CNTNAP2: variants seen among roughly 807,000 people sequenced by gnomAD.
CNTNAP2 encodes contactin associated protein 2.
Under a neutral mutation model 155.2 loss-of-function variants are expected in CNTNAP2, and 98 were observed. That is an observed-to-expected ratio of 0.63 (90% CI 0.54 to 0.75). The LOEUF is 0.75. Ranked by LOEUF, CNTNAP2 falls within the 30% of genes least tolerant of loss-of-function variation. The probability of loss-of-function intolerance (pLI) is 0.00; values close to 1 mark genes in which losing one functional copy is unlikely to be tolerated. For synonymous variants in CNTNAP2, 651 were observed against 631.2 expected, an observed-to-expected ratio of 1.03 and a Z score of -0.47; for missense variants, 1,727 against 1,688.1, an observed-to-expected ratio of 1.02 and a Z score of -0.40.
intron 12 of CNTNAP2, among the ~76,000 whole-genome samples, chr7:147,578,173 G>A (rs1160438940): frequency 2.0e-5 from 3 of 152,052 alleles, no homozygotes; most frequent in Non-Finnish European, 4.4e-5. Context: ...GTTATTATAA[G>A]CATGTTTGAT....
At chr7:147,219,942 A>ATTTTTTTTTTT (rs34947567) in intron 8 of CNTNAP2, among the ~76,000 whole-genome samples, 4 of 123,016 alleles carry the variant, frequency 3.3e-5, no homozygotes, top group Non-Finnish European at 3.4e-5. Context: ...CGCCCAGCTA[A>ATTTTTTTTTTT]TTTTTTTTTT....
chr7:147,080,066 T>C (rs951692761), intron 4 of CNTNAP2, among the ~76,000 whole-genome samples: 8 of 151,474 alleles, frequency 5.3e-5, no homozygotes, highest in African/African-American at 1.9e-4. Flanking sequence ...ACCCTCTAGC[T>C]TGAAAGCAAC....
At chr7:146,866,014 T>C (rs1795197887) in intron 3 of CNTNAP2, among the ~76,000 whole-genome samples, 1 of 152,248 alleles carries the variant, frequency 6.6e-6, no homozygotes, top group Admixed American at 6.5e-5. Flanking sequence ...CATATATTAT[T>C]CTCAGAAGAT....
At chr7:146,944,587 T>C (rs1238933693) in intron 3 of CNTNAP2, among the ~76,000 whole-genome samples, 1 of 151,918 alleles carries the variant, frequency 6.6e-6, no homozygotes, top group Non-Finnish European at 1.5e-5. Context: ...CATAGAAAAA[T>C]CTTAAGGCTG....
At chr7:146,318,726 T>C (rs992885912) in intron 1 of CNTNAP2, among the ~76,000 whole-genome samples, 1 of 152,062 alleles carries the variant, frequency 6.6e-6, no homozygotes, top group Non-Finnish European at 1.5e-5. Context: ...AATGGAGTAA[T>C]GGTGAAGCCG....
rs542102258 is a variant in CNTNAP2, at chr7:146,490,021, A to G, written c.98-284250A>G. Among the ~76,000 whole-genome samples, 28 of 152,288 alleles carry G rather than the reference A, an allele frequency of 1.8e-4. No individual in the cohort carries two copies. The South Asian group carries it at 5.4e-3, about 29-fold the overall frequency. ...GATCAATCAGAAGAAAGCGCATCAA[A>G]TGGGAAGACAGGTTCTCAATCCAGT... On this transcript the variant is annotated intron_variant, in intron 1 of 23. Transcript: ENST00000361727.
intron 15 of CNTNAP2, among the ~76,000 whole-genome samples, chr7:148,106,493 G>GAGAGAGATAGATATATAT (rs1554472856): frequency 1.2e-4 from 15 of 124,912 alleles, no homozygotes; most frequent in African/African-American, 4.5e-4. Context: ...CACACTTTGA[G>GAGAGAGATAGATATATAT]ATATATATAT....
chr7:147,319,479 G>A (rs1795303884), intron 9 of CNTNAP2, among the ~76,000 whole-genome samples: 1 of 152,172 alleles, frequency 6.6e-6, no homozygotes, highest in Non-Finnish European at 1.5e-5. Flanking sequence ...CCAGGTTCAA[G>A]TGATCCTCCC....
In CNTNAP2 at chr7:146,613,554, A is replaced by C. The variant is rs1799174629; in HGVS notation, c.98-160717A>C. 1.3e-5 allele frequency among the ~76,000 whole-genome samples: 2 copies of C among 152,112 alleles called. 1 individual carries two copies. The highest frequency in any genetic ancestry group is 4.1e-4 in the South Asian group (2 of 4,822). On this transcript the variant is annotated intron_variant, in intron 1 of 23. Transcript: ENST00000361727. ...CATTTTATTTAATCCAGTGTGTCGA[A>C]AGAGTAAAAAAAGATAAAATTAATT...
At chr7:147,749,493 A>G (rs569706764) in intron 13 of CNTNAP2, among the ~76,000 whole-genome samples, 1 of 152,200 alleles carries the variant, frequency 6.6e-6, no homozygotes, top group Admixed American at 6.5e-5. Context: ...ATGAACATAT[A>G]AAAGATTTTG....
intron 15 of CNTNAP2, among the ~76,000 whole-genome samples, chr7:148,022,424 G>T (rs111649466): frequency 2.0e-5 from 3 of 149,130 alleles, no homozygotes; most frequent in African/African-American, 7.5e-5. Context: ...AGCCGAGATC[G>T]TGCCACTGCC....
chr7:146,592,590 C>T (rs1268118742), intron 1 of CNTNAP2, among the ~76,000 whole-genome samples: 1 of 152,176 alleles, frequency 6.6e-6, no homozygotes, highest in Non-Finnish European at 1.5e-5. Context: ...CAGATTCCTA[C>T]TTTCTGATAA....
intron 15 of CNTNAP2, among the ~76,000 whole-genome samples, chr7:147,982,681 G>A (rs1214996818): frequency 6.6e-6 from 1 of 151,904 alleles, no homozygotes; most frequent in East Asian, 1.9e-4. Flanking sequence ...TTTTTTGCAA[G>A]AATTTTACAA....
At chr7:146,314,467 T>C (rs548086013) in intron 1 of CNTNAP2, among the ~76,000 whole-genome samples, 112 of 152,268 alleles carry the variant, frequency 7.4e-4, no homozygotes, top group Admixed American at 2.8e-3. Flanking sequence ...AGTTTCTTTC[T>C]CATCCATTCT....
chr7:146,997,671 A>G (rs985809809), intron 3 of CNTNAP2, among the ~76,000 whole-genome samples: 1 of 152,070 alleles, frequency 6.6e-6, no homozygotes, highest in Admixed American at 6.6e-5. Flanking sequence ...CAGTGAAGCC[A>G]TGAGGTCCTG....
chr7:147,132,570 T>G (rs1801399499), intron 8 of CNTNAP2, 61 bp downstream of exon 8: 4 of 1,606,660 alleles, frequency 2.5e-6, no homozygotes, highest in Non-Finnish European at 2.6e-6. Flanking sequence ...GAGTTAATGT[T>G]GTGCTTTGTT....
At chr7:148,311,656 A>G (rs1424576640) in intron 21 of CNTNAP2, among the ~76,000 whole-genome samples, 1 of 152,152 alleles carries the variant, frequency 6.6e-6, no homozygotes, top group Non-Finnish European at 1.5e-5. Flanking sequence ...AGAATAGCAG[A>G]TGGAAGAAGT....
At chr7:146,528,561 T>A (rs534634296) in intron 1 of CNTNAP2, among the ~76,000 whole-genome samples, 2 of 152,316 alleles carry the variant, frequency 1.3e-5, no homozygotes, top group East Asian at 3.9e-4. Flanking sequence ...AGATGAGTTA[T>A]AATTGTATTA....
chr7:148,296,545 C>CAAAAAAAAAA (rs143609414), intron 21 of CNTNAP2, among the ~76,000 whole-genome samples: 3,776 of 76,062 alleles, frequency 0.05, 414 homozygotes, highest in East Asian at 0.14. Flanking sequence ...GACTCTGTCT[C>CAAAAAAAAAA]AAAAAAAAAA....
Sources: allele counts gnomAD v4.1 joint callset (sites outside exome capture counted in the v4.1 genomes callset), GRCh38; gene constraint gnomAD v4.1.1; transcripts MANE v1.5; gene names NCBI Gene and HGNC (gene_info 2026-07-23, HGNC 2026-07-21).